The following TENM3 variants were observed in gnomAD, a reference collection of about 807,000 sequenced individuals.
The protein encoded by TENM3 is teneurin-3.
TENM3 carries 63 observed loss-of-function variants against 255.1 expected under a neutral mutation model. The observed-to-expected ratio is 0.25, with a 90% CI of 0.20 to 0.30. The LOEUF (loss-of-function observed/expected upper bound fraction) is 0.30. Ranked by LOEUF, TENM3 falls within the 10% of genes least tolerant of loss-of-function variation. TENM3 has a pLI of 1.00. For missense variants in TENM3, 2,929 were observed against 3,461.1 expected (o/e 0.85, Z 3.86); for synonymous variants, 1,306 against 1,322.3 (o/e 0.99, Z 0.27).
At chr4:182,755,604 C>T (rs559550747) in intron 22 of TENM3, among the ~76,000 whole-genome samples, 2 of 152,048 alleles carry the variant, frequency 1.3e-5, no homozygotes, top group African/African-American at 2.4e-5. Context: ...TTTGGGAGGC[C>T]GAGGCGGGCG....
the TENM3 span, among the ~76,000 whole-genome samples, chr4:181,947,994 G>A: frequency 6.6e-6 from 1 of 152,054 alleles, no homozygotes; most frequent in African/African-American, 2.4e-5. Flanking sequence ...TCTCAAGTTT[G>A]GGAAGGGGAA....
the TENM3 span, among the ~76,000 whole-genome samples, chr4:181,863,833 C>T: frequency 6.6e-6 from 1 of 152,134 alleles, no homozygotes; most frequent in Non-Finnish European, 1.5e-5. Flanking sequence ...TAACAAAATA[C>T]TTTGGGATAA....
At chr4:182,261,283 T>C (rs903994940) in intron 1 of TENM3, among the ~76,000 whole-genome samples, 3 of 152,204 alleles carry the variant, frequency 2.0e-5, no homozygotes, top group Non-Finnish European at 4.4e-5. Context: ...GCTTGTGAGT[T>C]GTAATTCTAA....
intron 3 of TENM3, among the ~76,000 whole-genome samples, chr4:182,408,770 A>G (rs187941236): frequency 2.2e-4 from 34 of 152,376 alleles, no homozygotes; most frequent in African/African-American, 7.0e-4. Context: ...TCGTTCAAGA[A>G]GCATTCTTCC....
chr4:181,559,959 G>A, the TENM3 span, among the ~76,000 whole-genome samples: 1 of 152,186 alleles, frequency 6.6e-6, no homozygotes, highest in Non-Finnish European at 1.5e-5. Flanking sequence ...CTTAAAACAG[G>A]AATATAATTA....
intron 3 of TENM3, among the ~76,000 whole-genome samples, chr4:182,413,609 C>CT (rs1285692315): frequency 4.3e-5 from 6 of 139,282 alleles, no homozygotes; most frequent in African/African-American, 1.0e-4. Context: ...GAGTGAGACT[C>CT]TGTCTCAAAA....
At chr4:182,088,996 T>A in the TENM3 span, among the ~76,000 whole-genome samples, 2 of 152,194 alleles carry the variant, frequency 1.3e-5, no homozygotes, top group African/African-American at 4.8e-5. Context: ...GGCGGAGCTC[T>A]TAATGAATGG....
the TENM3 span, among the ~76,000 whole-genome samples, chr4:181,911,071 A>G: frequency 2.6e-5 from 4 of 152,196 alleles, no homozygotes; most frequent in Admixed American, 6.5e-5. Context: ...TTATTTAAAA[A>G]CGTTATAATC....
chr4:181,763,463 T>C, the TENM3 span, among the ~76,000 whole-genome samples: 2 of 152,318 alleles, frequency 1.3e-5, no homozygotes, highest in South Asian at 4.1e-4. Context: ...ATATGGCCCA[T>C]GAGCTAAGAA....
At position 182,731,117 on chromosome 4, in the gene TENM3, G is replaced by C; in HGVS notation, c.2945G>C (p.Ser982Thr). Residue 982 changes from serine to threonine, a missense_variant, in exon 16 of 28, where the codon AGT (serine) becomes ACT (threonine). Physicochemically the swap from Ser to Thr is moderately conservative, Grantham distance 58. Coordinates refer to ENST00000511685, the MANE Select transcript of TENM3 (RefSeq NM_001080477.4). ...TTTTTCAGATCTTCTCCTGAAGACA[G>C]TCCCATCATTCCCGAAACACAGGTA... is the stretch of plus-strand genomic sequence containing the variant. ...STFFRSSPEDSPIIPETQVLH... is the reference protein window; with the variant it reads ...STFFRSSPEDTPIIPETQVLH... 6.2e-7 allele frequency: 1 copy of C among 1,613,694 alleles called. No homozygotes were observed. The highest frequency in any genetic ancestry group is 2.2e-5 in the East Asian group (1 of 44,882).
intron 1 of TENM3, among the ~76,000 whole-genome samples, chr4:182,256,977 C>A (rs190416512): frequency 2.0e-5 from 3 of 151,794 alleles, no homozygotes; most frequent in Non-Finnish European, 2.9e-5. Flanking sequence ...AGAGCTCCCT[C>A]AGGGTAGAAT....
chr4:181,747,379 A>C, the TENM3 span, among the ~76,000 whole-genome samples: 3 of 152,022 alleles, frequency 2.0e-5, no homozygotes, highest in Non-Finnish European at 4.4e-5. Flanking sequence ...GATCATTGTA[A>C]ATTCACATAC....
At chr4:181,996,207 A>G in the TENM3 span, among the ~76,000 whole-genome samples, 1 of 149,800 alleles carries the variant, frequency 6.7e-6, no homozygotes, top group African/African-American at 2.5e-5. Flanking sequence ...CTCCTGGGGG[A>G]GGAAAGACAA....
intron 3 of TENM3, among the ~76,000 whole-genome samples, chr4:182,358,446 G>T (rs375704435): frequency 1.3e-5 from 2 of 151,408 alleles, no homozygotes; most frequent in African/African-American, 2.4e-5. Context: ...CCCTTGTAAG[G>T]TGGATTCCTA....
chr4:182,667,775 G>A (rs187108303), intron 6 of TENM3, among the ~76,000 whole-genome samples: 52 of 89,518 alleles, frequency 5.8e-4, no homozygotes, highest in African/African-American at 1.6e-3. Context: ...ATCACACACC[G>A]GGGTCACACA....
the TENM3 span, among the ~76,000 whole-genome samples, chr4:182,022,867 A>G: frequency 6.6e-6 from 1 of 152,138 alleles, no homozygotes; most frequent in African/African-American, 2.4e-5. Flanking sequence ...ATTATAATCC[A>G]CCACCCAAAC....
At chr4:181,553,521 A>C in the TENM3 span, among the ~76,000 whole-genome samples, 10 of 151,894 alleles carry the variant, frequency 6.6e-5, no homozygotes, top group South Asian at 2.1e-3. Context: ...GGCTCACTGC[A>C]AGCTCCGCCT....
chr4:182,106,572 C>A, the TENM3 span, among the ~76,000 whole-genome samples: 12 of 152,148 alleles, frequency 7.9e-5, no homozygotes, highest in Non-Finnish European at 1.8e-4. Flanking sequence ...TATAGGTGAG[C>A]CTTTTGCTTG....
chr4:182,211,137 G>C (rs1340736793), intron 1 of TENM3, among the ~76,000 whole-genome samples: 4 of 152,134 alleles, frequency 2.6e-5, no homozygotes, highest in African/African-American at 4.8e-5. Flanking sequence ...CTCCCCTTAA[G>C]GTTAGCTTCT....
Sources: gnomAD v4.1 joint callset for allele counts (sites outside exome capture counted in the v4.1 genomes callset) on GRCh38, gnomAD v4.1.1 for gene constraint, MANE v1.5 for transcripts, NCBI Gene and HGNC (gene_info 2026-07-23, HGNC 2026-07-21) for gene names.